SPHKAP: variants seen among roughly 807,000 people sequenced by gnomAD.
SPHKAP encodes SPHK1 interactor, AKAP domain containing.
In SPHKAP, 67 loss-of-function variants were observed where a neutral mutation model predicts 137.5. The ratio of observed to expected loss-of-function variants is 0.49; its 90% CI spans 0.40 to 0.60. The LOEUF (loss-of-function observed/expected upper bound fraction) is 0.60, where lower values mean the gene tolerates loss of function less well. Among genes scored for constraint, SPHKAP ranks in the 20% least tolerant of loss-of-function variants. The pLI is 0.00. For synonymous variants in SPHKAP, 813 were observed against 785.3 expected (o/e 1.04, Z -0.59); for missense variants, 2,097 against 2,069.3 (o/e 1.01, Z -0.26).
rs185904558 is a variant in SPHKAP at position 228,099,949 on chromosome 2, A to T, written c.246+8883T>A. 3.7e-3 allele frequency among the ~76,000 whole-genome samples: 555 copies of T among 151,908 alleles called. 5 individuals carry two copies. Among genetic ancestry groups the T allele is most frequent in the African/African-American group, 0.013 (534 of 41,410 alleles). ...ACTGCAAGCTCCGCCTCCTGGGTTCACGCCATTCTCCTGCCTCAGCCTCCC... is the reference window on the plus strand; with the variant it reads ...ACTGCAAGCTCCGCCTCCTGGGTTCTCGCCATTCTCCTGCCTCAGCCTCCC... On this transcript the variant is annotated intron_variant, in intron 3 of 11. Coordinates refer to ENST00000392056, the MANE Select transcript of SPHKAP (RefSeq NM_001142644.2).
Position 228,016,719 on chromosome 2 carries a change from A to T in SPHKAP, c.4135T>A (p.Cys1379Ser). 6.2e-7 allele frequency: 1 copy of T among 1,614,138 alleles called. No homozygotes were observed. The highest frequency in any genetic ancestry group is 8.5e-7 in the Non-Finnish European group (1 of 1,180,024). ...DCPRKDSVTE[C>S]KQPPVSSLSK... ...AAAGATGACACTGGGGGCTGTTTAC[A>T]TTCGGTAACAGAGTCTTTCCTCGGG... The change falls in exon 7 of 12, where the codon TGT becomes AGT. Residue 1379 changes from cysteine (C) to serine (S), a missense_variant. Transcript: ENST00000392056.
intron 3 of SPHKAP, among the ~76,000 whole-genome samples, chr2:228,062,222 T>C (rs1477707629): frequency 6.6e-6 from 1 of 151,750 alleles, no homozygotes; most frequent in African/African-American, 2.4e-5. Context: ...ACTCCTGGGT[T>C]CGAACAATTC....
At chr2:228,051,667 G>A (rs1696260434) in intron 3 of SPHKAP, among the ~76,000 whole-genome samples, 1 of 152,184 alleles carries the variant, frequency 6.6e-6, no homozygotes, top group Non-Finnish European at 1.5e-5. Context: ...GAACTCAATG[G>A]TTGATTCTTG....
chr2:227,996,140 G>A (rs536226056), intron 7 of SPHKAP: 16 of 984,808 alleles, frequency 1.6e-5, no homozygotes, highest in Middle Eastern at 5.2e-4. Flanking sequence ...TACCTACCCC[G>A]TTTCTGGTGC....
chr2:228,007,673 A>C (rs1271063232), intron 7 of SPHKAP, among the ~76,000 whole-genome samples: 1 of 152,212 alleles, frequency 6.6e-6, no homozygotes, highest in Non-Finnish European at 1.5e-5. Flanking sequence ...TTACAAAGCA[A>C]TAGTAATTAA....
At position 227,980,737 on chromosome 2, in the gene SPHKAP, TAGC is replaced by T. The variant is rs1162224549; in HGVS notation, c.*977_*979del. On this transcript the variant is annotated 3_prime_UTR_variant, in exon 12 of 12. Transcript: ENST00000392056. ...TGGAGCGGCATGTCTGCTGTACAGG[TAGC>T]AGCACATACGTGATGAAACAGGCCA... 37 of 152,168 alleles carry T rather than the reference TAGC, an allele frequency of 2.4e-4. No homozygotes were observed. Among genetic ancestry groups the T allele is most frequent in the Admixed American group, 4.6e-4 (7 of 15,264 alleles). 9.4% of individuals were successfully genotyped at this position (152,168 alleles called of 1,614,324 possible). A position where few individuals can be genotyped will look rare whatever the true frequency, so the allele number is the denominator to read the frequency against.
At chr2:228,085,088 G>A (rs1220958872) in intron 3 of SPHKAP, among the ~76,000 whole-genome samples, 1 of 152,156 alleles carries the variant, frequency 6.6e-6, no homozygotes, top group Non-Finnish European at 1.5e-5. Flanking sequence ...CATAAAGGCA[G>A]AAAAATCATG....
At chr2:228,117,932 A>C (rs1258822329) in intron 2 of SPHKAP, among the ~76,000 whole-genome samples, 1 of 151,870 alleles carries the variant, frequency 6.6e-6, no homozygotes, top group African/African-American at 2.4e-5. Flanking sequence ...TGACAAATTA[A>C]GGGAAAAAAT....
chr2:228,093,838 C>T (rs1040116919), intron 3 of SPHKAP, among the ~76,000 whole-genome samples: 3 of 109,232 alleles, frequency 2.7e-5, no homozygotes, highest in East Asian at 3.1e-4. Flanking sequence ...CCAGCCTGGG[C>T]GACAGGGCAA....
chr2:228,017,695 A>G lies in SPHKAP; in HGVS notation c.3159T>C (p.Ser1053=), dbSNP rs1260077191. ...GCGCCTGCCACATGCCGTCCACCAT[A>G]GAGAACTCCGTTAGGTTCATGATCT... is the stretch of plus-strand genomic sequence containing the variant. ...AAKIMNLTEF[S]MVDGMWQAQG... is the part of the protein sequence containing the mutation. Residue 1053 remains serine (S), a synonymous_variant, in exon 7 of 12, where the codon TCT becomes TCC. Coordinates refer to ENST00000392056, the MANE Select transcript of SPHKAP (RefSeq NM_001142644.2). The G allele has an allele frequency of 7.4e-6, 12 of 1,613,900 alleles. No individual in the cohort carries two copies. In the Admixed American group the frequency reaches 2.0e-4, roughly 27 times the overall value.
At chr2:228,170,086 G>A (rs1320402004) in intron 1 of SPHKAP, among the ~76,000 whole-genome samples, 2 of 152,036 alleles carry the variant, frequency 1.3e-5, no homozygotes, top group Non-Finnish European at 2.9e-5. Flanking sequence ...TAAAGTAATT[G>A]CAAATTTGAT....
At chr2:228,073,426 A>T (rs900073593) in intron 3 of SPHKAP, among the ~76,000 whole-genome samples, 1 of 152,216 alleles carries the variant, frequency 6.6e-6, no homozygotes, top group Non-Finnish European at 1.5e-5. Flanking sequence ...TTATACGGAT[A>T]TGTGCAAGTA....
chr2:228,131,902 G>A, intron 2 of SPHKAP, 78 bp downstream of exon 2: 1 of 1,530,558 alleles, frequency 6.5e-7, no homozygotes, highest in Non-Finnish European at 9.0e-7. Flanking sequence ...TCTACTTTAG[G>A]AAGAGTGCTT....
intron 3 of SPHKAP, among the ~76,000 whole-genome samples, chr2:228,041,917 T>C (rs1695867774): frequency 6.6e-6 from 1 of 151,686 alleles, no homozygotes; most frequent in Non-Finnish European, 1.5e-5. Context: ...GTCAGGTGAG[T>C]CTTAGAAACA....
chr2:228,096,723 G>C (rs1307484031), intron 3 of SPHKAP, among the ~76,000 whole-genome samples: 2 of 151,800 alleles, frequency 1.3e-5, no homozygotes, highest in African/African-American at 4.8e-5. Context: ...GTGCCGTCTG[G>C]AATATGAAAT....
intron 3 of SPHKAP, among the ~76,000 whole-genome samples, chr2:228,086,741 T>C (rs1412874527): frequency 2.0e-5 from 3 of 152,148 alleles, no homozygotes; most frequent in Non-Finnish European, 4.4e-5. Context: ...GAAAGAGATC[T>C]CTGAAGCTCT....
chr2:228,057,660 T>G (rs545390705), intron 3 of SPHKAP, among the ~76,000 whole-genome samples: 2 of 152,266 alleles, frequency 1.3e-5, no homozygotes, highest in South Asian at 4.1e-4. Context: ...AAATAGCATT[T>G]GCCAAGGCTT....
intron 7 of SPHKAP, among the ~76,000 whole-genome samples, chr2:228,010,238 A>G (rs1264052038): frequency 2.0e-5 from 3 of 152,156 alleles, no homozygotes; most frequent in Non-Finnish European, 4.4e-5. Context: ...AAAATTATTC[A>G]TGGATGGGCC....
In SPHKAP at chr2:227,995,681, T is replaced by C; in HGVS notation, c.4462A>G (p.Thr1488Ala). 6.2e-7 allele frequency: 1 copy of C among 1,601,708 alleles called. No homozygotes were observed. Among genetic ancestry groups the C allele is most frequent in the East Asian group, 2.2e-5 (1 of 44,774 alleles). ...ACQIHSDSLD[T>A]RDVPEAEAST... ...GCTTCAGCCTCTGGTACATCTCTGGTATCAAGGCTGTCACTGTAGAGGGCA... is the reference window on the plus strand; with the variant it reads ...GCTTCAGCCTCTGGTACATCTCTGGCATCAAGGCTGTCACTGTAGAGGGCA... Residue 1488 changes from threonine to alanine, a missense_variant, in exon 8 of 12, where the codon ACC becomes GCC. Transcript: ENST00000392056.
Sources: allele counts gnomAD v4.1 joint callset (sites outside exome capture counted in the v4.1 genomes callset), GRCh38; gene constraint gnomAD v4.1.1; transcripts MANE v1.5; gene names NCBI Gene and HGNC (gene_info 2026-07-23, HGNC 2026-07-21).